Variants in DNAJC1 observed in about 807,000 individuals in gnomAD.
DNAJC1 encodes the protein dnaJ homolog subfamily C member 1.
A neutral mutation model predicts 76.6 loss-of-function variants in DNAJC1; 58 were observed. That is an observed-to-expected ratio of 0.76 (90% CI 0.61 to 0.94). The LOEUF is 0.94. Ranked by LOEUF, DNAJC1 falls within the 40% of genes least tolerant of loss-of-function variation. The probability of loss-of-function intolerance (pLI) is 0.00; values close to 1 mark genes in which losing one functional copy is unlikely to be tolerated. For synonymous variants in DNAJC1, 258 were observed against 267.9 expected (o/e 0.96, Z 0.36); for missense variants, 689 against 677.3 (o/e 1.02, Z -0.19).
chr10:21,963,875 T>C (rs1250616279), intron 1 of DNAJC1, among the ~76,000 whole-genome samples: 1 of 152,212 alleles, frequency 6.6e-6, no homozygotes, highest in Non-Finnish European at 1.5e-5. Flanking sequence ...CTTTCCTTTC[T>C]TGACTTTATT....
chr10:21,795,468 G>T (rs1223662558), intron 9 of DNAJC1, among the ~76,000 whole-genome samples: 1 of 151,868 alleles, frequency 6.6e-6, no homozygotes, highest in Non-Finnish European at 1.5e-5. Flanking sequence ...GAGAGAACAG[G>T]AGAAGACTAA....
At chr10:21,896,561 T>C (rs973980188) in intron 7 of DNAJC1, among the ~76,000 whole-genome samples, 3 of 152,182 alleles carry the variant, frequency 2.0e-5, no homozygotes, top group Non-Finnish European at 4.4e-5. Flanking sequence ...TAGAGGGGAA[T>C]TGGCCTCAGA....
At chr10:21,920,554 C>T (rs1837025968) in intron 4 of DNAJC1, 1 of 299,506 alleles carries the variant, frequency 3.3e-6, no homozygotes, top group African/African-American at 2.2e-5. Context: ...TAATTCCCAG[C>T]TAGATATTTG....
At chr10:21,772,646 T>C (rs940527263) in intron 9 of DNAJC1, among the ~76,000 whole-genome samples, 1 of 152,178 alleles carries the variant, frequency 6.6e-6, no homozygotes, top group African/African-American at 2.4e-5. Flanking sequence ...ATTACTTACT[T>C]AAATGCATGT....
intron 7 of DNAJC1, among the ~76,000 whole-genome samples, chr10:21,892,602 T>C (rs971265508): frequency 1.3e-5 from 2 of 152,048 alleles, no homozygotes; most frequent in Non-Finnish European, 2.9e-5. Context: ...GTTTTTCATC[T>C]TTTTTACATA....
At chr10:21,842,702 G>C (rs541374321) in intron 8 of DNAJC1, among the ~76,000 whole-genome samples, 1 of 152,300 alleles carries the variant, frequency 6.6e-6, no homozygotes, top group East Asian at 1.9e-4. Context: ...TATGGAGGAT[G>C]AACAGAGGAT....
intron 1 of DNAJC1, among the ~76,000 whole-genome samples, chr10:21,982,627 A>C (rs1334186536): frequency 6.6e-6 from 1 of 152,096 alleles, no homozygotes; most frequent in African/African-American, 2.4e-5. Context: ...AATAACCCAC[A>C]TGAAAAGATG....
intron 1 of DNAJC1, among the ~76,000 whole-genome samples, chr10:21,941,335 CCT>C (rs1164714858): frequency 6.6e-6 from 1 of 150,602 alleles, no homozygotes; most frequent in Non-Finnish European, 1.5e-5. Context: ...TTGTATGGCC[CCT>C]GATTCAAATT....
At chr10:21,994,763 C>A (rs1464878416) in intron 1 of DNAJC1, among the ~76,000 whole-genome samples, 7 of 151,986 alleles carry the variant, frequency 4.6e-5, no homozygotes, top group Non-Finnish European at 1.0e-4. Context: ...TGCACTCCAG[C>A]CTGGGTGACA....
chr10:21,792,737 T>A (rs999355570), intron 9 of DNAJC1, among the ~76,000 whole-genome samples: 1 of 136,492 alleles, frequency 7.3e-6, no homozygotes, highest in Non-Finnish European at 1.5e-5. Context: ...CCAGCCTGGG[T>A]GACAGAGTGA....
intron 7 of DNAJC1, among the ~76,000 whole-genome samples, chr10:21,893,398 G>A (rs1836487568): frequency 6.6e-6 from 1 of 152,060 alleles, no homozygotes; most frequent in Non-Finnish European, 1.5e-5. Flanking sequence ...AGGCCAAGGT[G>A]GGTGGATCAC....
intron 7 of DNAJC1, among the ~76,000 whole-genome samples, chr10:21,893,721 G>GA (rs1836492860): frequency 6.6e-6 from 1 of 151,286 alleles, no homozygotes; most frequent in Admixed American, 6.6e-5. Context: ...CATTAGAAAA[G>GA]AAAAAAAGCC....
At chr10:21,922,402 T>C (rs1197055936) in intron 3 of DNAJC1, among the ~76,000 whole-genome samples, 3 of 151,982 alleles carry the variant, frequency 2.0e-5, no homozygotes, top group African/African-American at 7.2e-5. Context: ...TATCATCAAA[T>C]TGGAATAACC....
At chr10:21,789,300 A>G (rs1834652407) in intron 9 of DNAJC1, among the ~76,000 whole-genome samples, 1 of 152,238 alleles carries the variant, frequency 6.6e-6, no homozygotes, top group Admixed American at 6.5e-5. Context: ...CACAGAGACT[A>G]TACCACTGCA....
In DNAJC1 at chr10:21,984,479, T is replaced by TA. The variant is rs1366303420; in HGVS notation, c.222+18733dup. Among the ~76,000 whole-genome samples the TA allele has an allele frequency of 7.2e-5, 11 of 152,256 alleles. No individual in the cohort carries two copies. The Middle Eastern group carries it at 0.024, about 330-fold the overall frequency. On this transcript the variant is annotated intron_variant, in intron 1 of 11. Transcript: ENST00000376980. ...ACAGAAAAGAAGGAATAAACAAGGG[T>TA]AAAATGGTGTGTCACCCTTTAAGAG...
intron 9 of DNAJC1, among the ~76,000 whole-genome samples, chr10:21,768,730 A>G (rs1834331946): frequency 6.6e-6 from 1 of 152,238 alleles, no homozygotes. Flanking sequence ...AAGTTATCCA[A>G]CATGAGCTTC....
intron 1 of DNAJC1, among the ~76,000 whole-genome samples, chr10:21,989,906 C>A (rs1281806499): frequency 6.6e-6 from 1 of 152,054 alleles, no homozygotes; most frequent in Admixed American, 6.6e-5. Context: ...TCAAGATGGG[C>A]CTGAAAATTA....
chr10:21,908,492 G>GGA (rs1554896065), intron 6 of DNAJC1, among the ~76,000 whole-genome samples: 2 of 148,598 alleles, frequency 1.3e-5, no homozygotes, highest in African/African-American at 5.0e-5. Flanking sequence ...TTTTTCATGG[G>GGA]GGGGGGGTGA....
At chr10:21,797,364 T>A (rs967299511) in intron 9 of DNAJC1, among the ~76,000 whole-genome samples, 2 of 152,218 alleles carry the variant, frequency 1.3e-5, no homozygotes, top group African/African-American at 4.8e-5. Context: ...TAATATATGT[T>A]GAAATCAGGA....
Sources: allele counts gnomAD v4.1 joint callset (sites outside exome capture counted in the v4.1 genomes callset), GRCh38; gene constraint gnomAD v4.1.1; transcripts MANE v1.5; gene names NCBI Gene and HGNC (gene_info 2026-07-23, HGNC 2026-07-21).